ESRRG: variants seen among roughly 807,000 people sequenced by gnomAD.
The protein encoded by ESRRG is estrogen related receptor gamma.
In ESRRG, 13 loss-of-function variants were observed where a neutral mutation model predicts 44.0. The observed-to-expected ratio is 0.30, with a 90% confidence interval of 0.19 to 0.47. The LOEUF is 0.47. ESRRG is among the 20% of genes least tolerant of loss of function. ESRRG has a pLI of 1.00. For missense variants in ESRRG, 395 were observed against 580.6 expected (o/e 0.68, Z 3.29); for synonymous variants, 215 against 214.6 (o/e 1.00, Z -0.02).
rs532917850 is a variant in ESRRG, at chr1:216,508,131, A to G, written c.1133-948T>C. Among the ~76,000 whole-genome samples, 4 of 152,336 alleles carry G rather than the reference A, an allele frequency of 2.6e-5. No homozygotes were observed. In the South Asian group the frequency reaches 8.3e-4, roughly 32 times the overall value. On this transcript the variant is annotated intron_variant, in intron 6 of 6. Coordinates refer to ENST00000408911, the MANE Select transcript of ESRRG (RefSeq NM_001438.4). ...TAGTTCTCTGAGAATGCTGAGCTCT[A>G]AGATATATGTAGTTAGCCTAATCTT... is the stretch of plus-strand genomic sequence containing the variant.
chr1:216,528,918 T>C (rs1467371155), intron 5 of ESRRG, among the ~76,000 whole-genome samples: 1 of 152,106 alleles, frequency 6.6e-6, no homozygotes, highest in African/African-American at 2.4e-5. Context: ...CTACAGTCAT[T>C]GCAGCACCAA....
intron 1 of ESRRG, among the ~76,000 whole-genome samples, chr1:217,039,195 C>T (rs1462089183): frequency 6.6e-6 from 1 of 152,208 alleles, no homozygotes. Context: ...AACTTTCCCA[C>T]ATTTTCCTGT....
chr1:216,837,687 TG>T (rs1323543512), intron 2 of ESRRG, among the ~76,000 whole-genome samples: 3 of 152,110 alleles, frequency 2.0e-5, no homozygotes, highest in Non-Finnish European at 2.9e-5. Context: ...AGCAGGCTGA[TG>T]GGGTCCTGAG....
intron 5 of ESRRG, among the ~76,000 whole-genome samples, chr1:216,532,295 A>T (rs1247041608): frequency 6.6e-6 from 1 of 152,172 alleles, no homozygotes; most frequent in Non-Finnish European, 1.5e-5. Flanking sequence ...TTTCCACTTA[A>T]TTAGATATCA....
At chr1:217,082,968 T>C (rs1364880434) in intron 1 of ESRRG, among the ~76,000 whole-genome samples, 1 of 152,240 alleles carries the variant, frequency 6.6e-6, no homozygotes, top group African/African-American at 2.4e-5. Flanking sequence ...CTGTCTCTTT[T>C]AAACTTCCTG....
At chr1:217,098,546 A>T (rs1427621312) in intron 1 of ESRRG, among the ~76,000 whole-genome samples, 1 of 152,118 alleles carries the variant, frequency 6.6e-6, no homozygotes, top group Non-Finnish European at 1.5e-5. Flanking sequence ...TCCACTGATG[A>T]TGGGCAAGTA....
At chr1:216,855,738 CCAA>C (rs2095923087) in intron 2 of ESRRG, among the ~76,000 whole-genome samples, 1 of 152,128 alleles carries the variant, frequency 6.6e-6, no homozygotes, top group Admixed American at 6.5e-5. Context: ...CACCTGGGAA[CCAA>C]CGAGATAAAT....
chr1:216,979,411 C>A (rs2073545884), intron 1 of ESRRG, among the ~76,000 whole-genome samples: 1 of 152,090 alleles, frequency 6.6e-6, no homozygotes, highest in Non-Finnish European at 1.5e-5. Context: ...CCTGAATCTG[C>A]CATTTGCCAG....
intron 3 of ESRRG, among the ~76,000 whole-genome samples, chr1:216,599,319 C>G (rs2058871228): frequency 6.6e-6 from 1 of 152,144 alleles, no homozygotes; most frequent in Non-Finnish European, 1.5e-5. Context: ...CATCTCACAA[C>G]AAGAAGAACT....
chr1:217,002,406 G>A (rs751075537), intron 1 of ESRRG, among the ~76,000 whole-genome samples: 12 of 151,360 alleles, frequency 7.9e-5, no homozygotes, highest in East Asian at 5.8e-4. Flanking sequence ...GGGCAGATCC[G>A]TCCCTAAAGT....
chr1:216,917,189 G>T (rs1297529891), intron 2 of ESRRG, among the ~76,000 whole-genome samples: 1 of 150,010 alleles, frequency 6.7e-6, no homozygotes, highest in Non-Finnish European at 1.5e-5. Context: ...AGGTGACAGG[G>T]CTTTCAAGAT....
At chr1:216,695,416 A>G (rs1032758100) in intron 1 of ESRRG, among the ~76,000 whole-genome samples, 3 of 152,212 alleles carry the variant, frequency 2.0e-5, no homozygotes, top group Non-Finnish European at 4.4e-5. Context: ...TAGTTATGCA[A>G]ATAGTTACAA....
intron 1 of ESRRG, among the ~76,000 whole-genome samples, chr1:217,068,044 C>G (rs958982776): frequency 2.6e-5 from 4 of 152,170 alleles, no homozygotes; most frequent in African/African-American, 9.7e-5. Context: ...GTGGGTAGGA[C>G]TGCAGACAAA....
At chr1:216,943,743 C>T (rs575792167) in intron 1 of ESRRG, among the ~76,000 whole-genome samples, 12 of 152,230 alleles carry the variant, frequency 7.9e-5, no homozygotes, top group East Asian at 7.7e-4. Context: ...ATAACCCTAG[C>T]GTACAGCCAG....
At chr1:216,533,681 C>T (rs965389146) in intron 5 of ESRRG, among the ~76,000 whole-genome samples, 8 of 152,076 alleles carry the variant, frequency 5.3e-5, no homozygotes, top group Admixed American at 3.3e-4. Flanking sequence ...GGTATACTAA[C>T]GCATGTTCCC....
At chr1:216,842,226 C>T (rs1248003417) in intron 2 of ESRRG, among the ~76,000 whole-genome samples, 2 of 152,104 alleles carry the variant, frequency 1.3e-5, no homozygotes, top group African/African-American at 2.4e-5. Context: ...AAGTTCTTAA[C>T]TTCCTTTTCA....
At chr1:217,123,389 T>C (rs545263606) in intron 1 of ESRRG, among the ~76,000 whole-genome samples, 2 of 152,302 alleles carry the variant, frequency 1.3e-5, no homozygotes, top group African/African-American at 2.4e-5. Context: ...TGCCTTTGTA[T>C]ACAAAATTTT....
chr1:217,088,294 C>A (rs1203733359), intron 1 of ESRRG, among the ~76,000 whole-genome samples: 1 of 151,110 alleles, frequency 6.6e-6, no homozygotes, highest in Non-Finnish European at 1.5e-5. Flanking sequence ...GTCTCTTGAT[C>A]TTGACTTAAA....
intron 2 of ESRRG, among the ~76,000 whole-genome samples, chr1:216,865,537 C>G (rs887397949): frequency 2.0e-5 from 3 of 151,982 alleles, no homozygotes; most frequent in African/African-American, 7.2e-5. Context: ...GACTGCTGGT[C>G]TTTGTTCATT....
Sources: gnomAD v4.1 joint callset for allele counts (sites outside exome capture counted in the v4.1 genomes callset) on GRCh38, gnomAD v4.1.1 for gene constraint, MANE v1.5 for transcripts, NCBI Gene and HGNC (gene_info 2026-07-23, HGNC 2026-07-21) for gene names.